The following DLG5 variants were observed in gnomAD, a reference collection of about 807,000 sequenced individuals.
DLG5 encodes the protein disks large homolog 5.
In DLG5, 48 loss-of-function variants were observed where a neutral mutation model predicts 189.8. The ratio of observed to expected loss-of-function variants is 0.25; its 90% CI spans 0.20 to 0.32. DLG5 has a LOEUF of 0.32. Ranked by LOEUF, DLG5 falls within the 10% of genes least tolerant of loss-of-function variation. The pLI is 1.00. For missense variants in DLG5, 2,160 were observed against 2,544.7 expected (o/e 0.85, Z 3.25); for synonymous variants, 1,016 against 1,054.1 (o/e 0.96, Z 0.70).
At position 77,829,084 on chromosome 10, in the gene DLG5, T is replaced by C. The variant is rs570825557; in HGVS notation, c.2186-99A>G. On this transcript the variant is annotated intron_variant, in intron 12 of 31. Coordinates refer to ENST00000372391, the MANE Select transcript of DLG5 (RefSeq NM_004747.4). ...GTTACCATCTTCTTACAAAAGAGGA[T>C]GTCAGCAGGCTGCGCCCTGTCTACG... is the stretch of plus-strand genomic sequence containing the variant. The C allele has an allele frequency of 5.2e-6, 7 of 1,354,060 alleles. No individual in the cohort carries two copies. The South Asian group carries it at 9.0e-5, about 17-fold the overall frequency. The allele number at this position is 1,354,060 out of a possible 1,614,324, so 83.9% of individuals were successfully genotyped here. A position where few individuals can be genotyped will look rare whatever the true frequency, so the allele number is the denominator to read the frequency against.
chr10:77,811,956 G>T lies in DLG5; in HGVS notation c.4290C>A (p.His1430Gln). ...GGGAGTGGCTGCTGAGCTGGTGCAC[G>T]TGGGGGTTGTACTGGGCCAGGATGG... Reference protein sequence around the residue: ...TITILAQYNPHVHQLSSHSRS... With the variant: ...TITILAQYNPQVHQLSSHSRS... Residue 1430 changes from histidine to glutamine, a missense_variant, in exon 22 of 32, where the codon CAC becomes CAA. By Grantham distance (24) the His-to-Gln change is conservative. Transcript: ENST00000372391. The T allele has an allele frequency of 6.2e-7, 1 of 1,608,926 alleles. No homozygotes were observed. The highest frequency in any genetic ancestry group is 2.2e-5 in the East Asian group (1 of 44,862).
intron 7 of DLG5, among the ~76,000 whole-genome samples, chr10:77,839,571 G>A (rs79253774): frequency 0.033 from 5,018 of 152,234 alleles, 291 homozygotes; most frequent in African/African-American, 0.11. Flanking sequence ...TTCCCCAGGC[G>A]TGTGTCTGAC....
At chr10:77,800,490 C>A (rs112681210) in intron 27 of DLG5, among the ~76,000 whole-genome samples, 1 of 150,206 alleles carries the variant, frequency 6.7e-6, no homozygotes, top group African/African-American at 2.5e-5. Context: ...AACCCAGGCA[C>A]GGGGCCGCCG....
At chr10:77,831,731 T>C (rs887667369) in intron 9 of DLG5, among the ~76,000 whole-genome samples, 2 of 152,182 alleles carry the variant, frequency 1.3e-5, no homozygotes, top group Non-Finnish European at 2.9e-5. Context: ...TGCACATCCA[T>C]GGCCAAAGAA....
chr10:77,935,553 T>C, the DLG5 span, among the ~76,000 whole-genome samples: 1 of 151,222 alleles, frequency 6.6e-6, no homozygotes, highest in African/African-American at 2.4e-5. Flanking sequence ...AGCTGCTCCC[T>C]GGAGAAACAG....
chr10:77,847,238 G>A lies in DLG5; in HGVS notation c.865-3532C>T, dbSNP rs373404111. On this transcript the variant is annotated intron_variant, in intron 5 of 31. Transcript: ENST00000372391. Reference sequence around the variant, plus strand: ...CCTCGGGTCAGAAGACCGAGAGAGAGAGATCAGGCCCCGTACTGCTTGCTT... The same window carrying A: ...CCTCGGGTCAGAAGACCGAGAGAGAAAGATCAGGCCCCGTACTGCTTGCTT... Among the ~76,000 whole-genome samples the A allele has an allele frequency of 1.1e-4, 17 of 152,210 alleles. 3 individuals carry two copies. Among genetic ancestry groups the A allele is most frequent in the Admixed American group, 3.9e-4 (6 of 15,284 alleles).
chr10:77,831,568 A>G (rs1842897803), intron 9 of DLG5, among the ~76,000 whole-genome samples: 1 of 152,232 alleles, frequency 6.6e-6, no homozygotes. Flanking sequence ...GACTTAGTAT[A>G]CAGCTACAGC....
intron 24 of DLG5, among the ~76,000 whole-genome samples, chr10:77,808,499 T>C (rs74933582): frequency 0.015 from 2,258 of 152,322 alleles, 53 homozygotes; most frequent in African/African-American, 0.052. Flanking sequence ...CTTGAACTCT[T>C]GGGCTCAACT....
intron 2 of DLG5, among the ~76,000 whole-genome samples, chr10:77,857,450 C>T (rs969218821): frequency 5.9e-5 from 9 of 152,244 alleles, no homozygotes; most frequent in African/African-American, 1.2e-4. Flanking sequence ...GCCGTCCACC[C>T]GCCTGAAAGA....
intron 29 of DLG5, 47 bp from the exon 30 acceptor site, chr10:77,795,005 G>A (rs968042996): frequency 6.5e-7 from 1 of 1,526,992 alleles, no homozygotes; most frequent in African/African-American, 1.4e-5. Context: ...GTGAGGGGCA[G>A]CCAGCCCCCT....
upstream of DLG5, chr10:77,929,893 A>C (rs1846770556): frequency 6.6e-6 from 1 of 152,092 alleles, no homozygotes; most frequent in Admixed American, 6.5e-5. Flanking sequence ...AGAAACTCAA[A>C]CTCACCTCAG....
chr10:77,824,355 G>T (rs373728591), intron 14 of DLG5, 29 bp downstream of exon 14: 2 of 1,553,860 alleles, frequency 1.3e-6, no homozygotes, highest in East Asian at 2.2e-5. Flanking sequence ...ACTCCTGACC[G>T]TGAGAGCAGA....
chr10:77,870,314 G>C (rs1254936105), intron 1 of DLG5, among the ~76,000 whole-genome samples: 1 of 152,168 alleles, frequency 6.6e-6, no homozygotes, highest in African/African-American at 2.4e-5. Flanking sequence ...CAAGCCTTAG[G>C]GCTCTGGCAT....
rs1564563349 is a variant in DLG5 at position 77,868,040 on chromosome 10, CGAG to C, written c.373+1086_373+1088del. ...AGGATTACCAGCAAGCCACCAGAAG[CGAG>C]GAGAGAGGCCCGGGACAGATCTCTC... On this transcript the variant is annotated intron_variant, in intron 2 of 31. Transcript: ENST00000372391. 6.6e-6 allele frequency: 3 copies of C among 456,688 alleles called. No individual in the cohort carries two copies. In the East Asian group the frequency reaches 2.1e-4, roughly 32 times the overall value. The allele number at this position is 456,688 out of a possible 1,614,324, so 28.3% of individuals were successfully genotyped here.
intron 1 of DLG5, among the ~76,000 whole-genome samples, chr10:77,924,436 A>G (rs1846626103): frequency 6.6e-6 from 1 of 152,188 alleles, no homozygotes; most frequent in Non-Finnish European, 1.5e-5. Flanking sequence ...TTGATCCATC[A>G]ATCAATTTTC....
intron 1 of DLG5, among the ~76,000 whole-genome samples, chr10:77,878,233 T>C (rs11813532): frequency 0.28 from 42,231 of 152,260 alleles, 6,516 homozygotes; most frequent in Non-Finnish European, 0.35. Flanking sequence ...TCAGACCGGC[T>C]GGCTCAGGCC....
chr10:77,891,366 G>A (rs1293519444), intron 1 of DLG5, among the ~76,000 whole-genome samples: 3 of 152,200 alleles, frequency 2.0e-5, no homozygotes, highest in Admixed American at 6.5e-5. Flanking sequence ...ACTGCAAACT[G>A]CAGATGTGGT....
At chr10:77,825,641 C>T (rs1197756654) in intron 13 of DLG5, among the ~76,000 whole-genome samples, 1 of 151,786 alleles carries the variant, frequency 6.6e-6, no homozygotes, top group African/African-American at 2.4e-5. Flanking sequence ...CTGCAACCTC[C>T]GCCTCCCAGG....
At chr10:77,893,425 C>T (rs1448646666) in intron 1 of DLG5, among the ~76,000 whole-genome samples, 1 of 152,234 alleles carries the variant, frequency 6.6e-6, no homozygotes, top group African/African-American at 2.4e-5. Context: ...ACATCTCAGC[C>T]CCACTTTACT....
Sources: allele counts gnomAD v4.1 joint callset (sites outside exome capture counted in the v4.1 genomes callset), GRCh38; gene constraint gnomAD v4.1.1; transcripts MANE v1.5; gene names NCBI Gene and HGNC (gene_info 2026-07-23, HGNC 2026-07-21).